Variants in AKAP19 observed in about 807,000 individuals in gnomAD.
AKAP19 encodes the protein small A-kinase anchoring protein.
the AKAP19 span, among the ~76,000 whole-genome samples, chr2:190,135,456 T>G: frequency 1.3e-5 from 2 of 152,336 alleles, no homozygotes; most frequent in East Asian, 1.9e-4. Flanking sequence ...TTTATGCAAC[T>G]TTCAGCAGTT....
chr2:190,157,099 T>C, the AKAP19 span, among the ~76,000 whole-genome samples: 1 of 152,132 alleles, frequency 6.6e-6, no homozygotes, highest in Non-Finnish European at 1.5e-5. Context: ...GGACTTCCCT[T>C]GAGCTAGGCC....
the AKAP19 span, among the ~76,000 whole-genome samples, chr2:190,080,312 G>C: frequency 6.6e-6 from 1 of 152,194 alleles, no homozygotes; most frequent in Non-Finnish European, 1.5e-5. Flanking sequence ...CAATGCCCCT[G>C]ATGACCTCAT....
chr2:189,968,917 T>C, the AKAP19 span, among the ~76,000 whole-genome samples: 1 of 152,130 alleles, frequency 6.6e-6, no homozygotes, highest in South Asian at 2.1e-4. Context: ...TATAGTATAA[T>C]ACATATTATA....
chr2:190,017,444 C>A, the AKAP19 span, among the ~76,000 whole-genome samples: 1 of 152,020 alleles, frequency 6.6e-6, no homozygotes, highest in Non-Finnish European at 1.5e-5. Flanking sequence ...TAGAGTATTG[C>A]TTTGTGGTTA....
At chr2:189,916,367 G>T in the AKAP19 span, among the ~76,000 whole-genome samples, 1 of 145,752 alleles carries the variant, frequency 6.9e-6, no homozygotes, top group Non-Finnish European at 1.5e-5. Context: ...TGTCGCCCAG[G>T]CTGGAGTGCA....
At chr2:190,199,559 TGATAA>T in the AKAP19 span, 1 of 311,514 alleles carries the variant, frequency 3.2e-6, no homozygotes, top group African/African-American at 2.1e-5. Flanking sequence ...TTTCTTCTAC[TGATAA>T]GATAAAGCTG....
the AKAP19 span, among the ~76,000 whole-genome samples, chr2:190,108,791 T>TG: frequency 2.0e-5 from 3 of 151,254 alleles, no homozygotes; most frequent in Non-Finnish European, 4.4e-5. Context: ...CGGTTTTTTT[T>TG]TTTTTTTTTT....
At chr2:190,199,707 C>T in the AKAP19 span, 1 of 1,458,306 alleles carries the variant, frequency 6.9e-7, no homozygotes, top group South Asian at 1.5e-5. Context: ...GTAAACACTA[C>T]ACGTGAAGAG....
chr2:189,920,946 G>A, the AKAP19 span, among the ~76,000 whole-genome samples: 2 of 152,166 alleles, frequency 1.3e-5, no homozygotes, highest in African/African-American at 4.8e-5. Flanking sequence ...GTTGTGCAAA[G>A]TCAATTGCTA....
chr2:190,196,706 T>G, the AKAP19 span, among the ~76,000 whole-genome samples: 6 of 152,320 alleles, frequency 3.9e-5, no homozygotes, highest in African/African-American at 1.2e-4. Flanking sequence ...TTGAACTTAG[T>G]CAAATGTGGT....
chr2:189,973,150 A>G, the AKAP19 span, among the ~76,000 whole-genome samples: 3 of 152,212 alleles, frequency 2.0e-5, no homozygotes, highest in Admixed American at 6.5e-5. Flanking sequence ...ATTTTGAGAT[A>G]CATCCCATCA....
chr2:189,966,458 C>T, the AKAP19 span, among the ~76,000 whole-genome samples: 125 of 152,164 alleles, frequency 8.2e-4, no homozygotes, highest in Non-Finnish European at 1.2e-3. Context: ...ATGAGATATG[C>T]CTGAATATAA....
the AKAP19 span, chr2:190,201,550 T>C: frequency 1.2e-5 from 2 of 167,068 alleles, no homozygotes; most frequent in Non-Finnish European, 2.9e-5. Context: ...TATGTATTTG[T>C]CTTGTAAGCA....
the AKAP19 span, among the ~76,000 whole-genome samples, chr2:189,940,925 A>G: frequency 6.6e-6 from 1 of 152,188 alleles, no homozygotes; most frequent in South Asian, 2.1e-4. Flanking sequence ...GAGAATACCA[A>G]ATTTGTTCCA....
chr2:190,052,339 C>T, the AKAP19 span, among the ~76,000 whole-genome samples: 1 of 152,150 alleles, frequency 6.6e-6, no homozygotes, highest in Non-Finnish European at 1.5e-5. Flanking sequence ...TCAATTGTTT[C>T]CATGTAACAA....
At chr2:189,977,219 C>A in the AKAP19 span, among the ~76,000 whole-genome samples, 1 of 152,196 alleles carries the variant, frequency 6.6e-6, no homozygotes, top group East Asian at 1.9e-4. Flanking sequence ...CAAATTTGTT[C>A]ATTTAATTAG....
At chr2:190,060,177 A>T in the AKAP19 span, 1 of 1,613,052 alleles carries the variant, frequency 6.2e-7, no homozygotes, top group Admixed American at 1.7e-5. Flanking sequence ...ATTTTGCAAC[A>T]CTGTCTTCAC....
chr2:190,100,918 C>A, the AKAP19 span, among the ~76,000 whole-genome samples: 1 of 152,124 alleles, frequency 6.6e-6, no homozygotes. Flanking sequence ...GGCAGAGAGC[C>A]TCCCTCTGTA....
At chr2:190,142,509 CT>C in the AKAP19 span, among the ~76,000 whole-genome samples, 1 of 152,208 alleles carries the variant, frequency 6.6e-6, no homozygotes, top group African/African-American at 2.4e-5. Context: ...AGTGTTCCCA[CT>C]TCAGAACTCC....
Sources: gnomAD v4.1 joint callset for allele counts (sites outside exome capture counted in the v4.1 genomes callset) on GRCh38, gnomAD v4.1.1 for gene constraint, MANE v1.5 for transcripts, NCBI Gene and HGNC (gene_info 2026-07-23, HGNC 2026-07-21) for gene names.